PSCA: variants seen among roughly 807,000 people sequenced by gnomAD.
The protein encoded by PSCA is prostate stem cell antigen.
PSCA carries 7 observed loss-of-function variants against 7.9 expected under a neutral mutation model. The ratio of observed to expected loss-of-function variants is 0.89; its 90% CI spans 0.51 to 1.67. The LOEUF (loss-of-function observed/expected upper bound fraction) is 1.67. Ranked by LOEUF, PSCA falls within the 40% of genes most tolerant of loss-of-function variation. The pLI is 0.00. For missense variants in PSCA, 151 were observed against 147.9 expected, an observed-to-expected ratio of 1.02 and a Z score of -0.11; for synonymous variants, 61 against 68.3, an observed-to-expected ratio of 0.89 and a Z score of 0.53.
chr8:142,680,377 C>A, upstream of PSCA: 2 of 742,860 alleles, frequency 2.7e-6, no homozygotes, highest in Non-Finnish European at 4.6e-6. Context: ...GGAGGAGACT[C>A]GGACCTGCCC....
upstream of PSCA, among the ~76,000 whole-genome samples, chr8:142,677,942 C>T (rs587662833): frequency 3.1e-3 from 471 of 152,186 alleles, 4 homozygotes; most frequent in African/African-American, 0.01. Context: ...CCTGGAGCCC[C>T]GGGGGAAGCC....
At chr8:142,672,757 A>T (rs1554637492) in intron 1 of PSCA, among the ~76,000 whole-genome samples, 1 of 152,236 alleles carries the variant, frequency 6.6e-6, no homozygotes, top group Admixed American at 6.5e-5. Context: ...CTTTCGAAAG[A>T]GGCGTCCAAA....
In PSCA at chr8:142,681,953, G is replaced by A. The variant is rs1554638416; in HGVS notation, c.166G>A (p.Gly56Ser). The change falls in exon 3 of 3, where the codon GGC becomes AGC. Residue 56 changes from glycine to serine, a missense_variant. Coordinates refer to ENST00000301258, the MANE Select transcript of PSCA (RefSeq NM_005672.5). ...TGGCCTCCTGACCGTCATCAGCAAA[G>A]GCTGCAGCTTGAACTGCGTGGATGA... Reference protein sequence around the residue: ...AVGLLTVISKGCSLNCVDDSQ... With the variant: ...AVGLLTVISKSCSLNCVDDSQ... 1 of 1,582,824 alleles carries A rather than the reference G, an allele frequency of 6.3e-7. No individual in the cohort carries two copies. The highest frequency in any genetic ancestry group is 1.8e-5 in the Admixed American group (1 of 55,902).
chr8:142,682,235 G>A lies in PSCA; in HGVS notation c.*103G>A. 2 of 1,367,720 alleles carry A rather than the reference G, an allele frequency of 1.5e-6. No homozygotes were observed. The highest frequency in any genetic ancestry group is 2.0e-6 in the Non-Finnish European group (2 of 992,798). The allele number at this position is 1,367,720 out of a possible 1,614,324, so 84.7% of individuals were successfully genotyped here. ...AGTGGGAGCCTGTCCTGGTTCCTGA[G>A]GCACATCCTAACGCAAGTCTGACCA... On this transcript the variant is annotated 3_prime_UTR_variant, in exon 3 of 3. Transcript: ENST00000301258.
At chr8:142,671,828 G>A (rs1554637391) in intron 1 of PSCA, among the ~76,000 whole-genome samples, 1 of 152,190 alleles carries the variant, frequency 6.6e-6, no homozygotes, top group African/African-American at 2.4e-5. Context: ...CCATGTGCCA[G>A]CTCACTCATC....
chr8:142,677,635 A>T (rs1847414118), upstream of PSCA, among the ~76,000 whole-genome samples: 1 of 152,070 alleles, frequency 6.6e-6, no homozygotes, highest in African/African-American at 2.4e-5. Context: ...GGAGGATGGG[A>T]CAGGGGCTGT....
In PSCA at chr8:142,673,869, G is replaced by T. The variant is rs1847364396; in HGVS notation, n.261+3301G>T. On this transcript the variant is annotated intron_variant and non_coding_transcript_variant, in intron 1 of 1. Coordinates refer to the PSCA transcript ENST00000505305. This position sits in a 1 kb window ranked among gnomAD's most constrained non-coding sequence, Gnocchi z 4.6. ...GATGTTACTTGCAGGAGTAATTGGGGGAGTTGCAAATCTTGTGGTCCCTGG... is the reference window on the plus strand; with the variant it reads ...GATGTTACTTGCAGGAGTAATTGGGTGAGTTGCAAATCTTGTGGTCCCTGG... 6.6e-6 allele frequency among the ~76,000 whole-genome samples: 1 copy of T among 152,234 alleles called. No homozygotes were observed. Among genetic ancestry groups the T allele is most frequent in the Non-Finnish European group, 1.5e-5 (1 of 68,052 alleles).
At chr8:142,672,751 C>T (rs973397122) in intron 1 of PSCA, among the ~76,000 whole-genome samples, 9 of 152,176 alleles carry the variant, frequency 5.9e-5, no homozygotes, top group African/African-American at 2.2e-4. Context: ...CCCTCTCTTT[C>T]GAAAGAGGCG....
At chr8:142,679,064 C>T (rs1847432455), upstream of PSCA, among the ~76,000 whole-genome samples, 1 of 152,364 alleles carries the variant, frequency 6.6e-6, no homozygotes, top group Non-Finnish European at 1.5e-5. Flanking sequence ...GCCACTGCCA[C>T]CACCTCCCAG....
chr8:142,681,360 A>T lies in PSCA; in HGVS notation c.59A>T (p.Gln20Leu), dbSNP rs1554638293. The change falls in exon 2 of 3, where the codon CAG becomes CTG. Residue 20 changes from glutamine to leucine, a missense_variant. Coordinates refer to ENST00000301258, the MANE Select transcript of PSCA (RefSeq NM_005672.5). ...TALLCYSCKA[Q>L]VSNEDCLQVE... Reference sequence around the variant, plus strand: ...CTGCTGTGCTACTCCTGCAAAGCCCAGGTGAGCAACGAGGACTGCCTGCAG... The same window carrying T: ...CTGCTGTGCTACTCCTGCAAAGCCCTGGTGAGCAACGAGGACTGCCTGCAG... 1.3e-6 allele frequency: 2 copies of T among 1,581,790 alleles called. No individual in the cohort carries two copies. Among genetic ancestry groups the T allele is most frequent in the Admixed American group, 3.6e-5 (2 of 55,414 alleles).
At chr8:142,681,019 C>G in intron 1 of PSCA, 1 of 463,666 alleles carries the variant, frequency 2.2e-6, no homozygotes, top group Non-Finnish European at 3.9e-6. Context: ...TCCAAGGGTC[C>G]CAGGGAGCTG....
intron 1 of PSCA, among the ~76,000 whole-genome samples, chr8:142,674,749 T>C (rs1412580191): frequency 1.3e-5 from 2 of 152,168 alleles, no homozygotes; most frequent in East Asian, 1.9e-4. Context: ...ACCAGCCTGC[T>C]TCCCTACTGA....
At position 142,682,477 on chromosome 8, in the gene PSCA, T is replaced by A; in HGVS notation, c.*345T>A. ...TTCCCTGCCCACCCCATCTATGACTTGAGCCAGGTCTGGTCCGTGGTGTCC... is the reference window on the plus strand; with the variant it reads ...TTCCCTGCCCACCCCATCTATGACTAGAGCCAGGTCTGGTCCGTGGTGTCC... On this transcript the variant is annotated 3_prime_UTR_variant, in exon 3 of 3. Transcript: ENST00000301258. 1 of 566,142 alleles carries A rather than the reference T, an allele frequency of 1.8e-6. No individual in the cohort carries two copies. Among genetic ancestry groups the A allele is most frequent in the South Asian group, 1.5e-5 (1 of 65,374 alleles). The allele number at this position is 566,142 out of a possible 1,614,324, so 35.1% of individuals were successfully genotyped here. A position where few individuals can be genotyped will look rare whatever the true frequency, so the allele number is the denominator to read the frequency against.
intron 1 of PSCA, 49 bp downstream of exon 1, chr8:142,680,612 G>C: frequency 2.6e-6 from 4 of 1,550,970 alleles, no homozygotes; most frequent in Non-Finnish European, 2.6e-6. Flanking sequence ...GGGTGAGCCG[G>C]GGAGGCCAGA....
upstream of PSCA, chr8:142,680,336 A>G (rs1847446920): frequency 4.9e-6 from 3 of 618,054 alleles, no homozygotes; most frequent in Non-Finnish European, 8.8e-6. Context: ...GGAAAGAAGG[A>G]CAAAGGGAGA....
intron 1 of PSCA, among the ~76,000 whole-genome samples, chr8:142,675,168 T>G (rs1587543514): frequency 6.6e-6 from 1 of 152,110 alleles, no homozygotes; most frequent in Non-Finnish European, 1.5e-5. Flanking sequence ...GGGAAGGGTG[T>G]GCCTTGGGTC....
rs782081239 is a variant in PSCA, at chr8:142,681,931, C to T, written c.144C>T (p.Gly48=). The change falls in exon 3 of 3, where the codon GGC becomes GGT. Residue 48 remains glycine (G), a synonymous_variant. Coordinates refer to ENST00000301258, the MANE Select transcript of PSCA (RefSeq NM_005672.5). ...CCCGCTGCTCCCCAGGCGCAGTTGG[C>T]CTCCTGACCGTCATCAGCAAAGGCT... The part of the protein sequence containing the change: ...QCWTARIRAV[G]LLTVISKGCS... 6.5e-7 allele frequency: 1 copy of T among 1,544,128 alleles called. No individual in the cohort carries two copies. The highest frequency in any genetic ancestry group is 8.8e-7 in the Non-Finnish European group (1 of 1,140,796).
intron 1 of PSCA, among the ~76,000 whole-genome samples, chr8:142,672,277 C>CCCT (rs1554637447): frequency 1.8e-4 from 28 of 151,654 alleles, no homozygotes; most frequent in African/African-American, 5.8e-4. Context: ...AACTGCCCTC[C>CCCT]CCAATCCACA....
At chr8:142,680,267 C>T (rs1354031351), upstream of PSCA, 2 of 525,110 alleles carry the variant, frequency 3.8e-6, no homozygotes, top group Non-Finnish European at 6.9e-6. Flanking sequence ...GAGGACGTTT[C>T]AGCCCTCAGC....
Sources: gnomAD v4.1 joint callset for allele counts (sites outside exome capture counted in the v4.1 genomes callset) on GRCh38, gnomAD v4.1.1 for gene constraint, Gnocchi (gnomAD v3.1) non-coding constraint, MANE v1.5 for transcripts, NCBI Gene and HGNC (gene_info 2026-07-23, HGNC 2026-07-21) for gene names.